The following GPR141 variants were observed in gnomAD, a reference collection of about 807,000 sequenced individuals.
GPR141 encodes probable G protein-coupled receptor 141.
A neutral mutation model predicts 6.8 loss-of-function variants in GPR141; 6 were observed. The observed-to-expected ratio is 0.88, with a 90% confidence interval of 0.48 to 1.74. The LOEUF (loss-of-function observed/expected upper bound fraction) is 1.74. GPR141 is among the 40% of genes most tolerant of loss of function. The pLI, the probability that GPR141 is intolerant of heterozygous loss-of-function variation, is 0.01. For synonymous variants in GPR141, 140 were observed against 142.3 expected (o/e 0.98, Z 0.11); for missense variants, 372 against 372.9 (o/e 1.00, Z 0.02).
At chr7:37,700,639 T>C (rs1482712019) in intron 2 of GPR141, among the ~76,000 whole-genome samples, 3 of 152,234 alleles carry the variant, frequency 2.0e-5, no homozygotes, top group East Asian at 1.9e-4. Context: ...TACATTGTTA[T>C]GATTTTATGT....
intron 2 of GPR141, among the ~76,000 whole-genome samples, chr7:37,736,245 C>CT (rs1344913168): frequency 6.7e-6 from 1 of 149,946 alleles, no homozygotes; most frequent in African/African-American, 2.5e-5. Context: ...GAGCAAGACT[C>CT]TTTAAAAAAA....
chr7:37,711,584 T>A (rs1012662281), intron 2 of GPR141, among the ~76,000 whole-genome samples: 2 of 152,178 alleles, frequency 1.3e-5, no homozygotes, highest in Non-Finnish European at 2.9e-5. Context: ...CTCCTCCTTT[T>A]AAAAATCAAA....
intron 2 of GPR141, among the ~76,000 whole-genome samples, chr7:37,695,921 A>G (rs1809995891): frequency 6.6e-6 from 1 of 152,178 alleles, no homozygotes; most frequent in Admixed American, 6.5e-5. Context: ...AAATTTGACA[A>G]TTTTAGGTCC....
intron 2 of GPR141, among the ~76,000 whole-genome samples, chr7:37,727,849 A>C (rs984744740): frequency 6.6e-6 from 1 of 152,242 alleles, no homozygotes; most frequent in Admixed American, 6.5e-5. Flanking sequence ...AGTATTCTAA[A>C]ATTCCCTGCA....
intron 2 of GPR141, among the ~76,000 whole-genome samples, chr7:37,727,714 A>G (rs923044814): frequency 1.3e-5 from 2 of 152,150 alleles, no homozygotes; most frequent in Admixed American, 6.6e-5. Flanking sequence ...TTTGGGGGCA[A>G]GCTCTCCTAG....
intron 2 of GPR141, among the ~76,000 whole-genome samples, chr7:37,702,114 A>G (rs945521382): frequency 1.3e-5 from 2 of 152,190 alleles, no homozygotes; most frequent in Non-Finnish European, 2.9e-5. Flanking sequence ...AAACTTTCCA[A>G]GTCATCTTAT....
intron 2 of GPR141, among the ~76,000 whole-genome samples, chr7:37,719,773 C>T (rs1423354040): frequency 6.6e-6 from 1 of 152,186 alleles, no homozygotes; most frequent in Non-Finnish European, 1.5e-5. Context: ...ATTCTCCACC[C>T]AGTCAGGAAT....
In GPR141 at chr7:37,709,565, A is replaced by G. The variant is rs113343923; in HGVS notation, c.-15+23982A>G. 6.7e-3 allele frequency among the ~76,000 whole-genome samples: 1,025 copies of G among 152,366 alleles called. 14 individuals carry two copies. The highest frequency in any genetic ancestry group is 0.023 in the African/African-American group (975 of 41,578). On this transcript the variant is annotated intron_variant, in intron 2 of 2. Coordinates refer to ENST00000334425, the MANE Select transcript of GPR141 (RefSeq NM_001381946.1). ...AAAGTGACTTTTAGAAAGTAGTACC[A>G]AGCTCAGCTCTAATGAGCAACATCA...
intron 2 of GPR141, among the ~76,000 whole-genome samples, chr7:37,734,349 A>C (rs971876472): frequency 6.6e-6 from 1 of 152,282 alleles, no homozygotes; most frequent in Non-Finnish European, 1.5e-5. Flanking sequence ...GTAACACTGC[A>C]AACAGTAGTA....
chr7:37,716,574 T>C (rs1337434334), intron 2 of GPR141, among the ~76,000 whole-genome samples: 1 of 152,076 alleles, frequency 6.6e-6, no homozygotes, highest in Non-Finnish European at 1.5e-5. Flanking sequence ...AGAACAAAAA[T>C]TACCCAATTT....
At chr7:37,706,194 G>T (rs1196384046) in intron 2 of GPR141, among the ~76,000 whole-genome samples, 3 of 152,182 alleles carry the variant, frequency 2.0e-5, no homozygotes, top group Non-Finnish European at 4.4e-5. Flanking sequence ...CACAGTAACA[G>T]CTCTTATTAT....
At chr7:37,728,837 G>A (rs1811765694) in intron 2 of GPR141, among the ~76,000 whole-genome samples, 2 of 152,176 alleles carry the variant, frequency 1.3e-5, no homozygotes, top group African/African-American at 4.8e-5. Context: ...CTTGTTTAGA[G>A]CTACAAATAC....
At chr7:37,685,919 G>T (rs969735878) in intron 2 of GPR141, among the ~76,000 whole-genome samples, 3 of 152,026 alleles carry the variant, frequency 2.0e-5, no homozygotes, top group African/African-American at 7.2e-5. Context: ...TCTACTATGG[G>T]TAAGCCATTG....
intron 2 of GPR141, among the ~76,000 whole-genome samples, chr7:37,724,551 C>T (rs536728305): frequency 3.2e-4 from 49 of 152,274 alleles, no homozygotes; most frequent in African/African-American, 1.2e-3. Context: ...TTTTTAGCTA[C>T]ACTGAGCTCG....
intron 2 of GPR141, among the ~76,000 whole-genome samples, chr7:37,731,580 A>C (rs1811936882): frequency 6.6e-6 from 1 of 151,608 alleles, no homozygotes; most frequent in East Asian, 1.9e-4. Context: ...AGTAGCTGGG[A>C]CTACAGGCGC....
chr7:37,695,927 G>A (rs1172039798), intron 2 of GPR141, among the ~76,000 whole-genome samples: 1 of 152,008 alleles, frequency 6.6e-6, no homozygotes, highest in East Asian at 1.9e-4. Flanking sequence ...GACAATTTTA[G>A]GTCCCTTGTA....
At chr7:37,702,154 A>G (rs1810304027) in intron 2 of GPR141, among the ~76,000 whole-genome samples, 1 of 152,170 alleles carries the variant, frequency 6.6e-6, no homozygotes, top group African/African-American at 2.4e-5. Flanking sequence ...TGGCCTTCTA[A>G]GTAATTTTTA....
chr7:37,728,463 T>C (rs925809350), intron 2 of GPR141, among the ~76,000 whole-genome samples: 8 of 152,014 alleles, frequency 5.3e-5, no homozygotes, highest in African/African-American at 1.9e-4. Flanking sequence ...CTAATGAGCA[T>C]TTGGATTATT....
intron 2 of GPR141, among the ~76,000 whole-genome samples, chr7:37,726,323 AC>A (rs1811623223): frequency 6.6e-6 from 1 of 152,160 alleles, no homozygotes; most frequent in South Asian, 2.1e-4. Context: ...CTGAAAGATT[AC>A]TCTGGTTGCT....
Sources: gnomAD v4.1 joint callset for allele counts (sites outside exome capture counted in the v4.1 genomes callset) on GRCh38, gnomAD v4.1.1 for gene constraint, MANE v1.5 for transcripts, NCBI Gene and HGNC (gene_info 2026-07-23, HGNC 2026-07-21) for gene names.